The following CA13 variants were observed in gnomAD, a reference collection of about 807,000 sequenced individuals.
CA13 encodes the protein carbonic anhydrase 13.
A neutral mutation model predicts 31.5 loss-of-function variants in CA13; 21 were observed. The observed-to-expected ratio is 0.67, with a 90% CI of 0.47 to 0.96. CA13 has a LOEUF of 0.96. Among genes scored for constraint, CA13 ranks in the 40% least tolerant of loss-of-function variants. CA13 has a pLI of 0.00. For synonymous variants in CA13, 117 were observed against 111.4 expected, an observed-to-expected ratio of 1.05 and a Z score of -0.32; for missense variants, 315 against 318.9, an observed-to-expected ratio of 0.99 and a Z score of 0.09.
rs761844133 is a variant in CA13, at chr8:85,250,785, A to G, written c.83A>G (p.Gln28Arg). 6.2e-7 allele frequency: 1 copy of G among 1,613,656 alleles called. No individual in the cohort carries two copies. The highest frequency in any genetic ancestry group is 1.1e-5 in the South Asian group (1 of 91,066). Residue 28 changes from glutamine (Q) to arginine (R), a missense_variant, in exon 2 of 7, where the codon CAG (glutamine) becomes CGG (arginine). By Grantham distance (43) the Gln-to-Arg change is conservative. Transcript: ENST00000321764. ...KEFFPIADGD[Q>R]QSPIEIKTKE... Reference sequence around the variant, plus strand: ...TTTTTCCCTATTGCTGATGGTGATCAGCAATCTCCAATTGAGATTAAAACC... The same window carrying G: ...TTTTTCCCTATTGCTGATGGTGATCGGCAATCTCCAATTGAGATTAAAACC...
intron 6 of CA13, among the ~76,000 whole-genome samples, chr8:85,269,727 G>T (rs1807502764): frequency 6.6e-6 from 1 of 152,162 alleles, no homozygotes; most frequent in Non-Finnish European, 1.5e-5. Context: ...GCTAGACTCA[G>T]GATATCCAGT....
chr8:85,254,772 GTTT>G (rs10658651), intron 2 of CA13, among the ~76,000 whole-genome samples: 2 of 122,650 alleles, frequency 1.6e-5, no homozygotes, highest in African/African-American at 3.0e-5. Context: ...AGTTAAACAA[GTTT>G]TTTTTTTTTT....
At chr8:85,278,468 G>A (rs1807650040) in intron 6 of CA13, among the ~76,000 whole-genome samples, 1 of 152,096 alleles carries the variant, frequency 6.6e-6, no homozygotes, top group Non-Finnish European at 1.5e-5. Context: ...AGGAAGGTTA[G>A]TTAGAACTGA....
intron 2 of CA13, among the ~76,000 whole-genome samples, chr8:85,257,848 T>G (rs891065226): frequency 6.7e-6 from 1 of 148,494 alleles, no homozygotes; most frequent in Non-Finnish European, 1.5e-5. Context: ...GCCAGGCTGG[T>G]CTCAAACTCC....
Position 85,252,498 on chromosome 8 carries a change from A to G in CA13, c.235+1561A>G, listed in dbSNP as rs189054938. Among the ~76,000 whole-genome samples the G allele has an allele frequency of 1.3e-4, 20 of 152,344 alleles. No individual in the cohort carries two copies. The East Asian group carries it at 3.9e-3, about 29-fold the overall frequency. ...TTCTTGGGATAGTGTCTTTCACACC[A>G]TGAATAAATAATGGACTTATAGATT... On this transcript the variant is annotated intron_variant, in intron 2 of 6. Coordinates refer to ENST00000321764, the MANE Select transcript of CA13 (RefSeq NM_198584.3).
intron 6 of CA13, among the ~76,000 whole-genome samples, chr8:85,272,572 T>C (rs1193656208): frequency 1.3e-5 from 2 of 152,236 alleles, no homozygotes; most frequent in South Asian, 4.1e-4. Context: ...CATTAACTTT[T>C]ATTACTGTGT....
intron 6 of CA13, among the ~76,000 whole-genome samples, chr8:85,279,656 C>T (rs1304751870): frequency 1.3e-5 from 2 of 152,138 alleles, no homozygotes; most frequent in African/African-American, 2.4e-5. Flanking sequence ...ATAAAGCCAA[C>T]GTCTTCAGAA....
At chr8:85,281,155 C>G (rs542870483) in intron 6 of CA13, 75 bp from the exon 7 acceptor site, 10 of 1,524,742 alleles carry the variant, frequency 6.6e-6, no homozygotes, top group African/African-American at 1.4e-5. Context: ...ATAGATATAT[C>G]TTCTTTATGC....
At chr8:85,254,358 G>T (rs544667872) in intron 2 of CA13, among the ~76,000 whole-genome samples, 4 of 151,260 alleles carry the variant, frequency 2.6e-5, no homozygotes, top group Non-Finnish European at 5.9e-5. Context: ...AAAACTTTAA[G>T]TATATTTTTT....
intron 3 of CA13, among the ~76,000 whole-genome samples, chr8:85,260,914 G>A (rs1375953867): frequency 6.6e-6 from 1 of 152,104 alleles, no homozygotes; most frequent in African/African-American, 2.4e-5. Context: ...GCTGTGTGTG[G>A]TTACACCTTG....
At chr8:85,265,571 C>T (rs915881913) in intron 3 of CA13, among the ~76,000 whole-genome samples, 2 of 151,974 alleles carry the variant, frequency 1.3e-5, no homozygotes, top group African/African-American at 2.4e-5. Context: ...TTTTATCTCC[C>T]TCCTTAGTAG....
chr8:85,250,713 C>A, intron 1 of CA13, 27 bp from the exon 2 acceptor site: 1 of 1,441,492 alleles, frequency 6.9e-7, no homozygotes, highest in South Asian at 1.2e-5. Context: ...TTATTTAATC[C>A]TTTTCTTTTG....
intron 3 of CA13, among the ~76,000 whole-genome samples, chr8:85,262,745 T>C (rs1034015626): frequency 6.6e-6 from 1 of 152,102 alleles, no homozygotes; most frequent in African/African-American, 2.4e-5. Context: ...GAGGAAACTT[T>C]TGGGGAAAGT....
chr8:85,273,792 C>T (rs1410985152), intron 6 of CA13, among the ~76,000 whole-genome samples: 2 of 151,982 alleles, frequency 1.3e-5, no homozygotes, highest in African/African-American at 4.8e-5. Flanking sequence ...TGTATTGGTT[C>T]GAACCCCAAG....
At chr8:85,278,226 A>G (rs1807645492) in intron 6 of CA13, among the ~76,000 whole-genome samples, 2 of 143,258 alleles carry the variant, frequency 1.4e-5, no homozygotes, top group Non-Finnish European at 3.0e-5. Flanking sequence ...AGATTATGCC[A>G]CTGCAATCCA....
chr8:85,280,017 C>G (rs1164263988), intron 6 of CA13, among the ~76,000 whole-genome samples: 1 of 152,078 alleles, frequency 6.6e-6, no homozygotes, highest in African/African-American at 2.4e-5. Flanking sequence ...TGCAGTGGCT[C>G]CCGCCTGTAA....
intron 6 of CA13, among the ~76,000 whole-genome samples, chr8:85,278,114 T>G (rs1807642928): frequency 1.3e-5 from 2 of 150,592 alleles, no homozygotes; most frequent in South Asian, 4.2e-4. Context: ...AAAAAAAAAT[T>G]AGCTGGGCGT....
At position 85,245,767 on chromosome 8, in the gene CA13, C is replaced by A. The variant is rs1413558800; in HGVS notation, c.-62C>A. On this transcript the variant is annotated 5_prime_UTR_variant, in exon 1 of 7. Coordinates refer to ENST00000321764, the MANE Select transcript of CA13 (RefSeq NM_198584.3). ...AGCAGGCTCCTTCCCGGGCCCCTCC[C>A]CGCTCCCTCCTCTTTCTCGCTGCTC... The A allele has an allele frequency of 6.3e-7, 1 of 1,594,234 alleles. No individual in the cohort carries two copies. The highest frequency in any genetic ancestry group is 1.3e-5 in the African/African-American group (1 of 74,592).
At chr8:85,257,822 G>A (rs1381836924) in intron 2 of CA13, among the ~76,000 whole-genome samples, 1 of 148,120 alleles carries the variant, frequency 6.8e-6, no homozygotes, top group African/African-American at 2.5e-5. Flanking sequence ...TGTAGAGACA[G>A]GGTTTCATTG....
Sources: gnomAD v4.1 joint callset for allele counts (sites outside exome capture counted in the v4.1 genomes callset) on GRCh38, gnomAD v4.1.1 for gene constraint, MANE v1.5 for transcripts, NCBI Gene and HGNC (gene_info 2026-07-23, HGNC 2026-07-21) for gene names.